The following IL1RAPL1 variants were observed in gnomAD, a reference collection of about 807,000 sequenced individuals.
IL1RAPL1 encodes interleukin 1 receptor accessory protein like 1.
In IL1RAPL1, 3 loss-of-function variants were observed where a neutral mutation model predicts 48.4. That is an observed-to-expected ratio of 0.06 (90% CI 0.03 to 0.16). The LOEUF (loss-of-function observed/expected upper bound fraction) is 0.16, where lower values mean the gene tolerates loss of function less well. Ranked by LOEUF, IL1RAPL1 falls within the 10% of genes least tolerant of loss-of-function variation. The probability of loss-of-function intolerance (pLI) is 1.00; values close to 1 mark genes in which losing one functional copy is unlikely to be tolerated. For synonymous variants in IL1RAPL1, 185 were observed against 187.7 expected, an observed-to-expected ratio of 0.99 and a Z score of 0.12; for missense variants, 349 against 530.6, an observed-to-expected ratio of 0.66 and a Z score of 3.36.
intron 5 of IL1RAPL1, among the ~76,000 whole-genome samples, chrX:29,610,718 C>T (rs998385277): frequency 1.8e-5 from 2 of 112,562 alleles, no homozygotes; most frequent in East Asian, 2.8e-4. Context: ...TGTTAGTTTG[C>T]GCAATTGCTG....
intron 2 of IL1RAPL1, among the ~76,000 whole-genome samples, chrX:29,159,999 C>T (rs1236857402): frequency 8.9e-6 from 1 of 112,078 alleles, no homozygotes; most frequent in Non-Finnish European, 1.9e-5. Flanking sequence ...GTGTGAGCCA[C>T]AGCACCCAGC....
intron 1 of IL1RAPL1, among the ~76,000 whole-genome samples, chrX:28,703,584 A>G (rs980904265): frequency 9.0e-5 from 10 of 111,399 alleles, no homozygotes; most frequent in Admixed American, 3.8e-4. Flanking sequence ...CTGATTTTTA[A>G]GAGATCAGAG....
At chrX:28,859,699 A>C (rs1921892543) in intron 2 of IL1RAPL1, among the ~76,000 whole-genome samples, 1 of 108,625 alleles carries the variant, frequency 9.2e-6, no homozygotes, top group Non-Finnish European at 1.9e-5. Flanking sequence ...TCCATTGAGT[A>C]CCACTCTATG....
chrX:29,845,526 G>A (rs778065691), intron 6 of IL1RAPL1, among the ~76,000 whole-genome samples: 4 of 111,730 alleles, frequency 3.6e-5, no homozygotes, highest in Non-Finnish European at 5.6e-5. Context: ...GCAAATAATC[G>A]TGACACAACT....
intron 5 of IL1RAPL1, among the ~76,000 whole-genome samples, chrX:29,486,612 CAAAAAA>C (rs768358495): frequency 6.6e-4 from 27 of 40,920 alleles, no homozygotes; most frequent in Non-Finnish European, 8.6e-4. Flanking sequence ...AAGTGCTATA[CAAAAAA>C]AAAAAAAAAA....
chrX:28,818,235 T>A (rs2147279813), intron 2 of IL1RAPL1, among the ~76,000 whole-genome samples: 1 of 110,945 alleles, frequency 9.0e-6, no homozygotes, highest in South Asian at 3.7e-4. Context: ...ATTGCTATTT[T>A]GTTAAGGCTT....
intron 1 of IL1RAPL1, among the ~76,000 whole-genome samples, chrX:28,722,235 T>C (rs1377927829): frequency 8.9e-6 from 1 of 111,799 alleles, no homozygotes; most frequent in African/African-American, 3.3e-5. Flanking sequence ...GAGCATGGAA[T>C]GTTCTTCCAT....
chrX:29,191,716 C>T (rs945748911), intron 2 of IL1RAPL1, among the ~76,000 whole-genome samples: 21 of 111,439 alleles, frequency 1.9e-4, no homozygotes, highest in African/African-American at 6.9e-4. Flanking sequence ...CAGGGCGCTT[C>T]AGAGGTAGCA....
At chrX:29,080,070 G>A (rs1379177763) in intron 2 of IL1RAPL1, among the ~76,000 whole-genome samples, 1 of 110,949 alleles carries the variant, frequency 9.0e-6, no homozygotes, top group Admixed American at 9.6e-5. Context: ...TTAGTTTCCT[G>A]TGGTATTAAA....
At chrX:29,618,613 T>A (rs941541514) in intron 5 of IL1RAPL1, among the ~76,000 whole-genome samples, 5 of 112,145 alleles carry the variant, frequency 4.5e-5, no homozygotes, top group Non-Finnish European at 1.9e-5. Flanking sequence ...CAATGACTTT[T>A]GTCTCTGTAG....
At chrX:29,946,241 T>A (rs1262971770) in intron 9 of IL1RAPL1, among the ~76,000 whole-genome samples, 6 of 112,452 alleles carry the variant, frequency 5.3e-5, no homozygotes, top group African/African-American at 1.9e-4. Flanking sequence ...TTCCATTTTT[T>A]AAAATGCCTC....
At chrX:28,933,415 C>T (rs1923936813) in intron 2 of IL1RAPL1, among the ~76,000 whole-genome samples, 1 of 111,572 alleles carries the variant, frequency 9.0e-6, no homozygotes, top group South Asian at 3.7e-4. Flanking sequence ...AGAGTGTCTT[C>T]AACCACCATT....
At position 29,917,458 on chromosome X, in the gene IL1RAPL1, C is replaced by T. The variant is rs1342789487; in HGVS notation, c.779-6C>T. On this transcript the variant is annotated splice_polypyrimidine_tract_variant and splice_region_variant and intron_variant, in intron 6 of 10. Transcript: ENST00000378993. ...TATAACACTTTTCCATCACTTCTCT[C>T]TGCAGGTGACTCTGCTAATCTAACC... 8.3e-7 allele frequency: 1 copy of T among 1,207,395 alleles called. No homozygotes were observed. The highest frequency in any genetic ancestry group is 1.7e-5 in the African/African-American group (1 of 57,251).
chrX:29,647,167 TG>T (rs1487119068), intron 5 of IL1RAPL1, among the ~76,000 whole-genome samples: 1 of 111,222 alleles, frequency 9.0e-6, no homozygotes, highest in Non-Finnish European at 1.9e-5. Flanking sequence ...CAGGCCAACA[TG>T]GCGAAACCTC....
At chrX:28,933,809 A>C (rs1923945873) in intron 2 of IL1RAPL1, among the ~76,000 whole-genome samples, 1 of 111,472 alleles carries the variant, frequency 9.0e-6, no homozygotes, top group South Asian at 3.8e-4. Context: ...GTTTTCTGGG[A>C]AAAGGGCAGG....
chrX:29,500,540 C>T (rs1046516850), intron 5 of IL1RAPL1, among the ~76,000 whole-genome samples: 1 of 111,682 alleles, frequency 9.0e-6, no homozygotes, highest in East Asian at 2.8e-4. Context: ...TCTTTCTGTG[C>T]CTGGTTAATT....
rs1232503423 is a variant in IL1RAPL1, at chrX:28,723,868, A to G, written c.-24-65452A>G. Among the ~76,000 whole-genome samples the G allele has an allele frequency of 1.9e-3, 207 of 111,764 alleles. 2 individuals are homozygous for G. Among genetic ancestry groups the G allele is most frequent in the Middle Eastern group, 4.6e-3 (1 of 219 alleles). On this transcript the variant is annotated intron_variant, in intron 1 of 10. Transcript: ENST00000378993. ...CGTTATGTACCCAGTAGTCATTCAG[A>G]AGCAGGTTGTTCAGTTTCCATGTAG...
intron 1 of IL1RAPL1, among the ~76,000 whole-genome samples, chrX:28,704,843 A>AC (rs1555915441): frequency 2.8e-5 from 3 of 106,016 alleles, no homozygotes; most frequent in South Asian, 4.1e-4. Flanking sequence ...AAAAAAAAAA[A>AC]AAAAAACTGT....
chrX:29,545,223 CTATCTATCTATCTATCTATT>C (rs1288654343), intron 5 of IL1RAPL1, among the ~76,000 whole-genome samples: 1 of 108,745 alleles, frequency 9.2e-6, no homozygotes, highest in Non-Finnish European at 1.9e-5. Context: ...ATCTATCTAT[CTATCTATCTATCTATCTATT>C]GGACAACAAA....
Sources: allele counts gnomAD v4.1 joint callset (sites outside exome capture counted in the v4.1 genomes callset), GRCh38; gene constraint gnomAD v4.1.1; transcripts MANE v1.5; gene names NCBI Gene and HGNC (gene_info 2026-07-23, HGNC 2026-07-21).